GTF3C1: variants seen among roughly 807,000 people sequenced by gnomAD.
GTF3C1 encodes general transcription factor 3C polypeptide 1.
Under a neutral mutation model 226.7 loss-of-function variants are expected in GTF3C1, and 57 were observed. The observed-to-expected ratio is 0.25, with a 90% CI of 0.20 to 0.31. GTF3C1 has a LOEUF of 0.31. Among genes scored for constraint, GTF3C1 ranks in the 10% least tolerant of loss-of-function variants. The probability of loss-of-function intolerance (pLI) is 1.00; values close to 1 mark genes in which losing one functional copy is unlikely to be tolerated. For missense variants in GTF3C1, 2,217 were observed against 2,776.1 expected, an observed-to-expected ratio of 0.80 and a Z score of 4.53; for synonymous variants, 1,090 against 1,084.8, an observed-to-expected ratio of 1.00 and a Z score of -0.09.
At chr16:27,531,390 T>C (rs2088915312) in intron 5 of GTF3C1, among the ~76,000 whole-genome samples, 1 of 152,210 alleles carries the variant, frequency 6.6e-6, no homozygotes, top group South Asian at 2.1e-4. Context: ...CCTCTGTCTA[T>C]GTGGGGAAAA....
At chr16:27,525,763 G>C (rs1481722481) in intron 6 of GTF3C1, among the ~76,000 whole-genome samples, 2 of 152,166 alleles carry the variant, frequency 1.3e-5, no homozygotes, top group South Asian at 4.1e-4. Flanking sequence ...CAGGCAACTT[G>C]CTATGCCCAC....
At chr16:27,532,744 C>T (rs1025187033) in intron 5 of GTF3C1, among the ~76,000 whole-genome samples, 7 of 152,170 alleles carry the variant, frequency 4.6e-5, no homozygotes, top group Non-Finnish European at 5.9e-5. Flanking sequence ...TTTCCTATTC[C>T]GTCTGAACTT....
At chr16:27,493,854 T>C (rs867764273) in intron 16 of GTF3C1, among the ~76,000 whole-genome samples, 34 of 152,172 alleles carry the variant, frequency 2.2e-4, no homozygotes, top group Middle Eastern at 3.4e-3. Flanking sequence ...GTCTAAAAAG[T>C]TAATGATGCA....
At chr16:27,484,085 A>G in intron 25 of GTF3C1, 126 bp downstream of exon 25, 1 of 720,494 alleles carries the variant, frequency 1.4e-6, no homozygotes, top group Non-Finnish European at 2.5e-6. Flanking sequence ...TCTCCCCAGC[A>G]GACTCCAACA....
Position 27,497,663 on chromosome 16 carries a change from G to A in GTF3C1, c.2324C>T (p.Pro775Leu), listed in dbSNP as rs369341224. Residue 775 changes from proline (P) to leucine (L), a missense_variant, in exon 14 of 37, where the codon CCG becomes CTG. By Grantham distance (98) the Pro-to-Leu change is moderately conservative. Coordinates refer to ENST00000356183, the MANE Select transcript of GTF3C1 (RefSeq NM_001520.4). Reference sequence around the variant, plus strand: ...TACAATGGGGTGATAATTTCTAAGCGGGGTTATGCCCATTTTATTATCACT... The same window carrying A: ...TACAATGGGGTGATAATTTCTAAGCAGGGTTATGCCCATTTTATTATCACT... ...KKSDNKMGIT[P>L]LRNYHPIVVP... 39 of 1,613,538 alleles carry A rather than the reference G, an allele frequency of 2.4e-5. No homozygotes were observed. Among genetic ancestry groups the A allele is most frequent in the Admixed American group, 5.0e-5 (3 of 59,964 alleles).
chr16:27,504,586 A>G (rs1483819136), intron 10 of GTF3C1, among the ~76,000 whole-genome samples: 6 of 152,196 alleles, frequency 3.9e-5, no homozygotes, highest in Non-Finnish European at 5.9e-5. Context: ...CTTTCTTCTC[A>G]CAGACCAAAG....
chr16:27,499,990 C>T (rs924598504), intron 12 of GTF3C1, among the ~76,000 whole-genome samples: 1 of 152,158 alleles, frequency 6.6e-6, no homozygotes, highest in African/African-American at 2.4e-5. Flanking sequence ...GGCAAGAGGC[C>T]TGGGCACTTT....
intron 29 of GTF3C1, among the ~76,000 whole-genome samples, chr16:27,473,178 A>C (rs2087901447): frequency 6.6e-6 from 1 of 152,220 alleles, no homozygotes; most frequent in Admixed American, 6.5e-5. Context: ...CTGGGATTAC[A>C]GGCGTAAGCC....
chr16:27,511,384 G>A (rs759266026), intron 7 of GTF3C1, among the ~76,000 whole-genome samples: 5 of 152,246 alleles, frequency 3.3e-5, no homozygotes, highest in Non-Finnish European at 7.3e-5. Flanking sequence ...CCTCCAGCTC[G>A]CAGACGAGCT....
intron 6 of GTF3C1, among the ~76,000 whole-genome samples, chr16:27,517,861 C>T (rs915242004): frequency 1.3e-5 from 2 of 152,146 alleles, no homozygotes; most frequent in African/African-American, 2.4e-5. Flanking sequence ...GTGATCTAAC[C>T]GATGCCTTCC....
intron 9 of GTF3C1, 89 bp downstream of exon 9, chr16:27,506,758 G>T: frequency 1.1e-6 from 1 of 902,752 alleles, no homozygotes; most frequent in Non-Finnish European, 1.7e-6. Flanking sequence ...AAGGGCAACC[G>T]CAGGTGTTTG....
intron 32 of GTF3C1, 69 bp from the exon 33 acceptor site, chr16:27,465,609 C>G (rs2087775854): frequency 8.0e-7 from 1 of 1,255,060 alleles, no homozygotes; most frequent in Non-Finnish European, 1.1e-6. Context: ...AATGCACAGG[C>G]CACACCCAGG....
chr16:27,476,520 C>G lies in GTF3C1; in HGVS notation c.4284G>C (p.Val1428=), dbSNP rs756295844. 3 of 1,612,068 alleles carry G rather than the reference C, an allele frequency of 1.9e-6. No individual in the cohort carries two copies. In the Admixed American group the frequency reaches 5.0e-5, roughly 27 times the overall value. The change falls in exon 29 of 37, where the codon GTG becomes GTC. Residue 1428 remains valine (V), a synonymous_variant. Transcript: ENST00000356183. ...GCGTGCTCTGGATCAGGTTCTGAAG[C>G]ACCAGAAAGTGGATGTCATCCACGC... ...LNSVDDIHFL[V]LQNLIQSTLA...
At chr16:27,467,200 C>T (rs931939831) in intron 32 of GTF3C1, among the ~76,000 whole-genome samples, 5 of 152,298 alleles carry the variant, frequency 3.3e-5, no homozygotes, top group Admixed American at 1.3e-4. Context: ...AGGCCACTCT[C>T]GATAGGAAGT....
chr16:27,502,093 C>CAA (rs566128806), intron 11 of GTF3C1, among the ~76,000 whole-genome samples: 91 of 124,582 alleles, frequency 7.3e-4, no homozygotes, highest in Admixed American at 2.7e-3. Flanking sequence ...GACTCCATCT[C>CAA]AAAAAAAAAA....
At chr16:27,466,444 C>G (rs1273187725) in intron 32 of GTF3C1, 1 of 152,208 alleles carries the variant, frequency 6.6e-6, no homozygotes, top group African/African-American at 2.4e-5. Context: ...CATGTGTGTT[C>G]TGGCAACTCC....
In GTF3C1 at chr16:27,494,787, G is replaced by A; in HGVS notation, c.2754C>T (p.Ile918=). Residue 918 remains isoleucine (I), a synonymous_variant, in exon 16 of 37, where the codon ATC becomes ATT. Transcript: ENST00000356183. ...ILLCLPLSIF[I]QIVQVSYKVD... is the part of the protein sequence containing the mutation. The stretch of plus-strand genomic sequence containing the variant: ...CCTTGTAGCTGACTTGCACAATCTG[G>A]ATGAAGATGGAGAGGGGAAGGCAGA... The A allele has an allele frequency of 6.2e-7, 1 of 1,612,958 alleles. No homozygotes were observed. The highest frequency in any genetic ancestry group is 8.5e-7 in the Non-Finnish European group (1 of 1,178,908).
intron 20 of GTF3C1, 66 bp downstream of exon 20, chr16:27,489,536 C>A: frequency 2.3e-6 from 3 of 1,295,082 alleles, no homozygotes; most frequent in South Asian, 1.3e-5. Context: ...CAAGGGCGGG[C>A]AGGCATCTGA....
At chr16:27,468,180 A>G (rs2087812115) in intron 32 of GTF3C1, among the ~76,000 whole-genome samples, 1 of 152,240 alleles carries the variant, frequency 6.6e-6, no homozygotes, top group South Asian at 2.1e-4. Flanking sequence ...GAACTGCTGC[A>G]ATCTCAGGAT....
Sources: allele counts gnomAD v4.1 joint callset (sites outside exome capture counted in the v4.1 genomes callset), GRCh38; gene constraint gnomAD v4.1.1; transcripts MANE v1.5; gene names NCBI Gene and HGNC (gene_info 2026-07-23, HGNC 2026-07-21).